The following FBP1 variants were observed in gnomAD, a reference collection of about 807,000 sequenced individuals.
FBP1 encodes fructose-1,6-bisphosphatase 1.
Under a neutral mutation model 29.9 loss-of-function variants are expected in FBP1, and 22 were observed. That is an observed-to-expected ratio of 0.74 (90% CI 0.53 to 1.05). The LOEUF (loss-of-function observed/expected upper bound fraction) is 1.05, where lower values mean the gene tolerates loss of function less well. Among genes scored for constraint, FBP1 ranks in the 50% least tolerant of loss-of-function variants. The pLI is 0.00. For missense variants in FBP1, 345 were observed against 448.2 expected (o/e 0.77, Z 2.08); for synonymous variants, 175 against 178.6 (o/e 0.98, Z 0.16).
chr9:94,610,553 A>T (rs1827769157), intron 3 of FBP1, among the ~76,000 whole-genome samples: 1 of 152,214 alleles, frequency 6.6e-6, no homozygotes, highest in Non-Finnish European at 1.5e-5. Flanking sequence ...CGTCAGGGAA[A>T]TTCTCAGAAA....
chr9:94,626,464 G>A (rs12002008), intron 1 of FBP1, among the ~76,000 whole-genome samples: 6,451 of 152,188 alleles, frequency 0.042, 480 homozygotes, highest in African/African-American at 0.15. Context: ...TGGCCACACC[G>A]TGCTGGTCCC....
intron 4 of FBP1, among the ~76,000 whole-genome samples, chr9:94,607,998 G>A (rs936408608): frequency 2.0e-5 from 3 of 151,908 alleles, no homozygotes; most frequent in South Asian, 2.1e-4. Flanking sequence ...TTCTTTTATC[G>A]TTGGTAGAAA....
chr9:94,617,828 A>G lies in FBP1; in HGVS notation c.366T>C (p.Asp122=), dbSNP rs754424395. ...GKYVVCFDPL[D]GSSNIDCLVS... ...CAAGGCAATCGATGTTGGAAGATCC[A>G]TCAAGGGGATCAAAACAGACCACAT... is the stretch of plus-strand genomic sequence containing the variant. Residue 122 remains aspartate (D), a synonymous_variant, in exon 3 of 7, where the codon GAT becomes GAC. Coordinates refer to ENST00000375326, the MANE Select transcript of FBP1 (RefSeq NM_000507.4). 3.7e-6 allele frequency: 6 copies of G among 1,613,962 alleles called. No homozygotes were observed. In the South Asian group the frequency reaches 6.6e-5, roughly 18 times the overall value.
rs58807723 is a variant in FBP1, at chr9:94,616,962, G to A, written c.426+806C>T. Among the ~76,000 whole-genome samples the A allele has an allele frequency of 6.5e-3, 986 of 151,044 alleles. 14 individuals carry two copies. The highest frequency in any genetic ancestry group is 0.023 in the African/African-American group (944 of 41,038). ...TCTCTCTCTCTCTCTCTCAGAAAAA[G>A]CAGCTCTGGAGGAGGGGTGACTGCC... is the stretch of plus-strand genomic sequence containing the variant. On this transcript the variant is annotated intron_variant, in intron 3 of 6. Transcript: ENST00000375326.
At chr9:94,608,834 C>T (rs1049759881) in intron 4 of FBP1, among the ~76,000 whole-genome samples, 3 of 152,142 alleles carry the variant, frequency 2.0e-5, no homozygotes, top group African/African-American at 7.2e-5. Flanking sequence ...CTTGTCTGTT[C>T]CTGGGGTTCA....
chr9:94,626,803 A>T (rs1216469511), intron 1 of FBP1, among the ~76,000 whole-genome samples: 2 of 152,200 alleles, frequency 1.3e-5, no homozygotes, highest in Non-Finnish European at 2.9e-5. Flanking sequence ...CTGTAATCTC[A>T]GCACTTTGGG....
At chr9:94,617,492 T>A (rs1336100622) in intron 3 of FBP1, among the ~76,000 whole-genome samples, 1 of 152,198 alleles carries the variant, frequency 6.6e-6, no homozygotes. Context: ...GCCTCTTTTT[T>A]AAATCTCATT....
intron 4 of FBP1, among the ~76,000 whole-genome samples, chr9:94,607,673 T>C (rs1052695284): frequency 2.0e-5 from 3 of 152,090 alleles, no homozygotes; most frequent in Non-Finnish European, 4.4e-5. Context: ...TGCTCCGGAT[T>C]GAGGATTGTT....
intron 1 of FBP1, among the ~76,000 whole-genome samples, chr9:94,630,193 A>G (rs191758447): frequency 5.3e-5 from 8 of 150,362 alleles, no homozygotes; most frequent in Admixed American, 2.0e-4. Flanking sequence ...TGCACATAGT[A>G]AGTTCTCAAT....
intron 3 of FBP1, among the ~76,000 whole-genome samples, chr9:94,617,455 G>T (rs1237258123): frequency 6.6e-6 from 1 of 152,106 alleles, no homozygotes; most frequent in South Asian, 2.1e-4. Context: ...AGTTCACATC[G>T]TATCATCACT....
At chr9:94,614,400 C>A (rs181175314) in intron 3 of FBP1, among the ~76,000 whole-genome samples, 2 of 151,780 alleles carry the variant, frequency 1.3e-5, no homozygotes, top group Non-Finnish European at 2.9e-5. Flanking sequence ...ATTAGCCAAG[C>A]GTGGTGGTGG....
intron 6 of FBP1, 32 bp downstream of exon 6, chr9:94,605,425 C>T: frequency 2.5e-6 from 4 of 1,610,056 alleles, no homozygotes; most frequent in Non-Finnish European, 3.4e-6. Flanking sequence ...GTGAAATCTG[C>T]TCCTCACTCC....
intron 6 of FBP1, chr9:94,603,808 A>G: frequency 1.7e-6 from 1 of 580,464 alleles, no homozygotes; most frequent in South Asian, 1.8e-5. Flanking sequence ...GCAATAGATT[A>G]CCTGATGCAA....
intron 1 of FBP1, among the ~76,000 whole-genome samples, chr9:94,622,480 A>G (rs1340091954): frequency 1.3e-5 from 2 of 152,198 alleles, no homozygotes; most frequent in African/African-American, 4.8e-5. Flanking sequence ...TGCCCAAAAC[A>G]TAACTCGCTG....
intron 3 of FBP1, 48 bp from the exon 4 acceptor site, chr9:94,610,109 T>G (rs748079222): frequency 6.3e-7 from 1 of 1,588,982 alleles, no homozygotes; most frequent in South Asian, 1.1e-5. Flanking sequence ...GTTTTGTGAT[T>G]CTTTTTTACA....
chr9:94,621,807 T>G (rs897120007), intron 1 of FBP1, among the ~76,000 whole-genome samples: 10 of 152,114 alleles, frequency 6.6e-5, no homozygotes, highest in African/African-American at 2.4e-4. Flanking sequence ...CAAGGAAGCC[T>G]GGGTCGGGGG....
At chr9:94,631,910 C>G (rs141947486) in intron 1 of FBP1, among the ~76,000 whole-genome samples, 1 of 152,000 alleles carries the variant, frequency 6.6e-6, no homozygotes, top group African/African-American at 2.4e-5. Flanking sequence ...TCACAAATAC[C>G]TGCCTCTGCT....
intron 2 of FBP1, among the ~76,000 whole-genome samples, chr9:94,618,310 T>A (rs566873613): frequency 2.0e-5 from 3 of 151,514 alleles, no homozygotes; most frequent in Admixed American, 2.0e-4. Flanking sequence ...CCCCTTGAGG[T>A]TGGGGTGCAT....
At chr9:94,617,016 G>C (rs1353980311) in intron 3 of FBP1, among the ~76,000 whole-genome samples, 3 of 152,142 alleles carry the variant, frequency 2.0e-5, no homozygotes, top group African/African-American at 7.2e-5. Flanking sequence ...ACCCGAGCAG[G>C]GCTGGATTCT....
Sources: allele counts gnomAD v4.1 joint callset (sites outside exome capture counted in the v4.1 genomes callset), GRCh38; gene constraint gnomAD v4.1.1; transcripts MANE v1.5; gene names NCBI Gene and HGNC (gene_info 2026-07-23, HGNC 2026-07-21).